Variants in SNX2 observed in about 807,000 individuals in gnomAD.
The protein encoded by SNX2 is sorting nexin-2.
Under a neutral mutation model 69.9 loss-of-function variants are expected in SNX2, and 25 were observed. That is an observed-to-expected ratio of 0.36 (90% CI 0.26 to 0.50). The LOEUF (loss-of-function observed/expected upper bound fraction) is 0.50. SNX2 is among the 20% of genes least tolerant of loss of function. SNX2 has a pLI of 0.97. For synonymous variants in SNX2, 229 were observed against 200.4 expected (o/e 1.14, Z -1.20); for missense variants, 551 against 613.3 (o/e 0.90, Z 1.07).
rs1753470114 is a variant in SNX2, at chr5:122,799,832, A to G, written c.367A>G (p.Ile123Val). Reference protein sequence around the residue: ...IESKSMSAPVIFDRSREEIEE... With the variant: ...IESKSMSAPVVFDRSREEIEE... The stretch of plus-strand genomic sequence containing the variant: ...ATCAAAGAGTATGTCTGCTCCCGTG[A>G]TCTTTGATAGATCCAGGGAAGAGGT... Residue 123 changes from isoleucine (I) to valine (V), a missense_variant, in exon 3 of 15, where the codon ATC becomes GTC. Ile to Val is a conservative substitution (Grantham distance 29). Transcript: ENST00000379516. The G allele has an allele frequency of 1.2e-6, 2 of 1,612,106 alleles. No homozygotes were observed. The highest frequency in any genetic ancestry group is 1.7e-6 in the Non-Finnish European group (2 of 1,178,806).
chr5:122,805,039 C>G (rs993380332), intron 6 of SNX2, among the ~76,000 whole-genome samples: 2 of 152,114 alleles, frequency 1.3e-5, no homozygotes, highest in South Asian at 2.1e-4. Flanking sequence ...TGCCTGTAAT[C>G]TCGGCACTTT....
chr5:122,802,617 T>C (rs983865597), intron 5 of SNX2, among the ~76,000 whole-genome samples: 1 of 152,196 alleles, frequency 6.6e-6, no homozygotes, highest in Admixed American at 6.5e-5. Flanking sequence ...GTTTTTGTTT[T>C]AGAAATATTT....
chr5:122,788,213 G>A (rs1297242298), intron 1 of SNX2, among the ~76,000 whole-genome samples: 1 of 152,164 alleles, frequency 6.6e-6, no homozygotes, highest in Non-Finnish European at 1.5e-5. Flanking sequence ...CCACTGTTTT[G>A]TAGCCTTTGT....
upstream of SNX2, chr5:122,775,064 C>T (rs548420493): frequency 9.7e-6 from 15 of 1,547,586 alleles, no homozygotes; most frequent in Middle Eastern, 1.7e-4. Flanking sequence ...CGTGACGGGT[C>T]CGCGAGGCCC....
intron 11 of SNX2, among the ~76,000 whole-genome samples, chr5:122,825,544 A>G (rs916579607): frequency 1.3e-5 from 2 of 151,526 alleles, no homozygotes; most frequent in African/African-American, 2.4e-5. Flanking sequence ...TCATTTTGTT[A>G]TATTTTACGT....
intron 1 of SNX2, among the ~76,000 whole-genome samples, chr5:122,794,476 A>G (rs954987440): frequency 6.6e-6 from 1 of 152,172 alleles, no homozygotes; most frequent in Non-Finnish European, 1.5e-5. Flanking sequence ...AGTGCTTTGA[A>G]CTTCTTGGAC....
chr5:122,822,135 C>T (rs1311338131), intron 11 of SNX2, among the ~76,000 whole-genome samples: 1 of 152,138 alleles, frequency 6.6e-6, no homozygotes, highest in African/African-American at 2.4e-5. Flanking sequence ...TGCTTTGTCG[C>T]CAGGCTAGAG....
intron 11 of SNX2, among the ~76,000 whole-genome samples, chr5:122,820,404 C>T (rs1031001490): frequency 2.0e-5 from 3 of 152,026 alleles, no homozygotes; most frequent in Non-Finnish European, 4.4e-5. Flanking sequence ...GACATGGTGG[C>T]GTATGCCTGT....
rs952702427 is a variant in SNX2 at position 122,777,838 on chromosome 5, G to A, written c.108+2627G>A. Reference sequence around the variant, plus strand: ...AAACGTTTATCAGTTCTTTGTGTTGGAACATTCAAAATCTGCTCATCTAGC... The same window carrying A: ...AAACGTTTATCAGTTCTTTGTGTTGAAACATTCAAAATCTGCTCATCTAGC... On this transcript the variant is annotated intron_variant, in intron 1 of 14. Coordinates refer to ENST00000379516, the MANE Select transcript of SNX2 (RefSeq NM_003100.4). Among the ~76,000 whole-genome samples the A allele has an allele frequency of 5.9e-5, 9 of 152,230 alleles. No individual in the cohort carries two copies. The East Asian group carries it at 1.7e-3, about 29-fold the overall frequency.
chr5:122,793,988 T>TC (rs1165798773), intron 1 of SNX2, among the ~76,000 whole-genome samples: 3 of 150,838 alleles, frequency 2.0e-5, no homozygotes, highest in Admixed American at 6.6e-5. Flanking sequence ...AGCTACACAA[T>TC]CTAGGTTTCA....
At chr5:122,807,950 C>A (rs1422347841) in intron 6 of SNX2, among the ~76,000 whole-genome samples, 1 of 152,090 alleles carries the variant, frequency 6.6e-6, no homozygotes. Flanking sequence ...GGGTTAGAAA[C>A]ACATTTTAAT....
At chr5:122,817,874 C>T (rs13166350) in intron 10 of SNX2, among the ~76,000 whole-genome samples, 99,000 of 151,844 alleles carry the variant, frequency 0.65, 33,145 homozygotes, top group African/African-American at 0.81. Flanking sequence ...TATTGAAAAA[C>T]CTGGAGGTTT....
chr5:122,823,157 T>C (rs1754061369), intron 11 of SNX2, among the ~76,000 whole-genome samples: 1 of 133,374 alleles, frequency 7.5e-6, no homozygotes, highest in African/African-American at 3.0e-5. Context: ...CCGTGTAAAC[T>C]TATCCCTCTT....
intron 8 of SNX2, among the ~76,000 whole-genome samples, chr5:122,816,494 A>C (rs1158416189): frequency 6.6e-6 from 1 of 152,156 alleles, no homozygotes; most frequent in African/African-American, 2.4e-5. Context: ...TGAGTTGCAG[A>C]ATTTTTAAAA....
intron 6 of SNX2, among the ~76,000 whole-genome samples, chr5:122,805,559 A>G (rs1753624425): frequency 6.6e-6 from 1 of 151,964 alleles, no homozygotes; most frequent in African/African-American, 2.4e-5. Context: ...CTTTTTTTAA[A>G]TTCAAAAATT....
intron 5 of SNX2, 65 bp downstream of exon 5, chr5:122,802,189 TA>T (rs1373754576): frequency 7.5e-7 from 1 of 1,327,100 alleles, no homozygotes; most frequent in Non-Finnish European, 1.1e-6. Flanking sequence ...AGGATATGGC[TA>T]TGATTAAGGT....
At chr5:122,804,183 T>G (rs141404577) in intron 6 of SNX2, among the ~76,000 whole-genome samples, 1 of 152,066 alleles carries the variant, frequency 6.6e-6, no homozygotes, top group African/African-American at 2.4e-5. Context: ...CCTAACCTTT[T>G]AGGGTCACTA....
At chr5:122,827,310 A>AG in intron 12 of SNX2, 69 bp from the exon 13 acceptor site, 1 of 1,257,360 alleles carries the variant, frequency 8.0e-7, no homozygotes, top group South Asian at 1.3e-5. Context: ...GATTAAATTA[A>AG]GTGAGTGGTC....
intron 6 of SNX2, among the ~76,000 whole-genome samples, chr5:122,805,344 T>A (rs1374134519): frequency 6.6e-6 from 1 of 151,312 alleles, no homozygotes; most frequent in African/African-American, 2.4e-5. Context: ...CAAGCTGGTC[T>A]CAAACTCCTG....
Sources: allele counts gnomAD v4.1 joint callset (sites outside exome capture counted in the v4.1 genomes callset), GRCh38; gene constraint gnomAD v4.1.1; transcripts MANE v1.5; gene names NCBI Gene and HGNC (gene_info 2026-07-23, HGNC 2026-07-21).